DRC11: variants seen among roughly 807,000 people sequenced by gnomAD.
DRC11 encodes the protein dynein regulatory complex subunit 11.
chr2:236,468,869 A>G, the DRC11 span, among the ~76,000 whole-genome samples: 38 of 152,260 alleles, frequency 2.5e-4, no homozygotes, highest in Non-Finnish European at 1.5e-4. Context: ...TGTATAATGT[A>G]TCATCTGATG....
chr2:236,465,700 G>A, the DRC11 span: 30 of 1,607,190 alleles, frequency 1.9e-5, no homozygotes, highest in Non-Finnish European at 2.4e-5. This position sits in a 1 kb window ranked among gnomAD's most constrained non-coding sequence, Gnocchi z 6.2. Context: ...ATTAAAGAGA[G>A]GAGGTGGATT....
the DRC11 span, among the ~76,000 whole-genome samples, chr2:236,501,348 A>T: frequency 6.6e-6 from 1 of 152,172 alleles, no homozygotes; most frequent in Non-Finnish European, 1.5e-5. Flanking sequence ...AAACCATATC[A>T]CACAGAACAC....
chr2:236,372,416 A>C, the DRC11 span, among the ~76,000 whole-genome samples: 1 of 152,188 alleles, frequency 6.6e-6, no homozygotes, highest in Admixed American at 6.5e-5. The surrounding 1 kb of genome is among the most constrained non-coding windows in gnomAD (Gnocchi z 4.5). Context: ...AGATTCTGAT[A>C]TTAGTTCTGT....
the DRC11 span, among the ~76,000 whole-genome samples, chr2:236,313,885 T>G: frequency 6.6e-6 from 1 of 152,160 alleles, no homozygotes; most frequent in Non-Finnish European, 1.5e-5. The surrounding 1 kb of genome is among the most constrained non-coding windows in gnomAD (Gnocchi z 4.5). Flanking sequence ...GGATGGATTC[T>G]TGGTTGCCAA....
the DRC11 span, among the ~76,000 whole-genome samples, chr2:236,362,667 C>T: frequency 1.7e-3 from 252 of 152,176 alleles, no homozygotes; most frequent in African/African-American, 5.5e-3. This position sits in a 1 kb window ranked among gnomAD's most constrained non-coding sequence, Gnocchi z 5.7. Flanking sequence ...AGGGGATTAG[C>T]GCCCCAACCC....
chr2:236,369,597 T>C, the DRC11 span, among the ~76,000 whole-genome samples: 1 of 152,174 alleles, frequency 6.6e-6, no homozygotes, highest in Admixed American at 6.5e-5. This position sits in a 1 kb window ranked among gnomAD's most constrained non-coding sequence, Gnocchi z 4.5. Context: ...CCCATATTAA[T>C]CTCCAGATGC....
chr2:236,318,002 A>G, the DRC11 span, among the ~76,000 whole-genome samples: 2 of 152,330 alleles, frequency 1.3e-5, no homozygotes, highest in South Asian at 4.1e-4. The surrounding 1 kb of genome is among the most constrained non-coding windows in gnomAD (Gnocchi z 7.0). Context: ...CACCGGTCTC[A>G]CGGTGCGGTG....
At chr2:236,492,811 G>C in the DRC11 span, among the ~76,000 whole-genome samples, 1 of 152,258 alleles carries the variant, frequency 6.6e-6, no homozygotes, top group African/African-American at 2.4e-5. Flanking sequence ...GTGGTCATGA[G>C]AGTCAGGCTA....
At chr2:236,446,317 A>G in the DRC11 span, among the ~76,000 whole-genome samples, 3 of 152,082 alleles carry the variant, frequency 2.0e-5, no homozygotes, top group Non-Finnish European at 4.4e-5. The surrounding 1 kb of genome is among the most constrained non-coding windows in gnomAD (Gnocchi z 6.2). Flanking sequence ...AGATGATCAC[A>G]GACCAGTGAA....
At chr2:236,391,328 G>A in the DRC11 span, 1 of 152,348 alleles carries the variant, frequency 6.6e-6, no homozygotes, top group Non-Finnish European at 1.5e-5. This position sits in a 1 kb window ranked among gnomAD's most constrained non-coding sequence, Gnocchi z 4.5. Context: ...CACAGAAAGA[G>A]TGGCTCCAGT....
At chr2:236,388,429 T>C in the DRC11 span, among the ~76,000 whole-genome samples, 517 of 151,436 alleles carry the variant, frequency 3.4e-3, no homozygotes, top group African/African-American at 0.012. Context: ...CCATTGCTGA[T>C]ACCCTTTCTT....
At chr2:236,443,979 ATT>A in the DRC11 span, among the ~76,000 whole-genome samples, 2 of 139,870 alleles carry the variant, frequency 1.4e-5, no homozygotes, top group Admixed American at 7.0e-5. The surrounding 1 kb of genome is among the most constrained non-coding windows in gnomAD (Gnocchi z 4.4). Flanking sequence ...GGCCACATGA[ATT>A]TTTTTTTTTT....
the DRC11 span, among the ~76,000 whole-genome samples, chr2:236,379,922 C>T: frequency 2.0e-5 from 3 of 152,200 alleles, no homozygotes; most frequent in African/African-American, 7.2e-5. Flanking sequence ...AACAGTGGAG[C>T]GACAGGTGTT....
chr2:236,406,561 C>A, the DRC11 span, among the ~76,000 whole-genome samples: 1 of 152,074 alleles, frequency 6.6e-6, no homozygotes, highest in South Asian at 2.1e-4. The surrounding 1 kb of genome is among the most constrained non-coding windows in gnomAD (Gnocchi z 4.7). Context: ...GGTCGACCAG[C>A]GATTTTGAAG....
chr2:236,486,055 A>G, the DRC11 span, among the ~76,000 whole-genome samples: 1 of 152,204 alleles, frequency 6.6e-6, no homozygotes, highest in South Asian at 2.1e-4. This position sits in a 1 kb window ranked among gnomAD's most constrained non-coding sequence, Gnocchi z 5.7. Flanking sequence ...CATTTGCATA[A>G]GATTCTGAGC....
the DRC11 span, among the ~76,000 whole-genome samples, chr2:236,464,648 G>A: frequency 6.6e-6 from 1 of 152,118 alleles, no homozygotes; most frequent in African/African-American, 2.4e-5. Context: ...CTACCCATCT[G>A]ATAAAGTTTG....
chr2:236,409,324 A>G, the DRC11 span, among the ~76,000 whole-genome samples: 6 of 152,098 alleles, frequency 3.9e-5, no homozygotes, highest in East Asian at 5.8e-4. Context: ...GGTCCTTCAC[A>G]TCCCTTGTAA....
the DRC11 span, chr2:236,503,745 C>T: frequency 6.0e-6 from 9 of 1,500,996 alleles, no homozygotes; most frequent in Non-Finnish European, 8.2e-6. The surrounding 1 kb of genome is among the most constrained non-coding windows in gnomAD (Gnocchi z 4.9). Flanking sequence ...CACGTGACCA[C>T]ACCCCCTCCC....
the DRC11 span, among the ~76,000 whole-genome samples, chr2:236,356,051 A>G: frequency 1.3e-5 from 2 of 152,060 alleles, no homozygotes; most frequent in Admixed American, 1.3e-4. Flanking sequence ...GATGCTGCAG[A>G]CCACTGTGGG....
Sources: allele counts gnomAD v4.1 joint callset (sites outside exome capture counted in the v4.1 genomes callset), GRCh38; gene constraint gnomAD v4.1.1; non-coding constraint Gnocchi (gnomAD v3.1); transcripts MANE v1.5; gene names NCBI Gene and HGNC (gene_info 2026-07-23, HGNC 2026-07-21).